Variants in MKNK2 observed in about 807,000 individuals in gnomAD.
The protein encoded by MKNK2 is MAPK interacting serine/threonine kinase 2, also known as MAP kinase-interacting serine/threonine-protein kinase 2.
Under a neutral mutation model 55.0 loss-of-function variants are expected in MKNK2, and 54 were observed. That is an observed-to-expected ratio of 0.98 (90% CI 0.79 to 1.23). MKNK2 has a LOEUF of 1.23. Among genes scored for constraint, MKNK2 ranks in the 50% most tolerant of loss-of-function variants. The probability of loss-of-function intolerance (pLI) is 0.00; values close to 1 mark genes in which losing one functional copy is unlikely to be tolerated. For synonymous variants in MKNK2, 323 were observed against 256.0 expected, an observed-to-expected ratio of 1.26 and a Z score of -2.50; for missense variants, 685 against 632.1, an observed-to-expected ratio of 1.08 and a Z score of -0.90.
rs2016892379 is a variant in MKNK2, at chr19:2,041,881, C to T, written c.904G>A (p.Asp302Asn). The part of the protein sequence containing the change: ...YPPFVGRCGS[D>N]CGWDRGEACP... ...GCCTCGCCGCGGTCCCAGCCGCAGT[C>T]GCTGCCACAGCGGCCCACGAAGGGC... is the stretch of plus-strand genomic sequence containing the variant. Residue 302 changes from aspartate (D) to asparagine (N), a missense_variant, in exon 11 of 14, where the codon GAC (aspartate) becomes AAC (asparagine). Physicochemically the swap from Asp to Asn is conservative, Grantham distance 23 (BLOSUM62 1). Transcript: ENST00000250896. 6.5e-7 allele frequency: 1 copy of T among 1,542,590 alleles called. No homozygotes were observed. The highest frequency in any genetic ancestry group is 8.7e-7 in the Non-Finnish European group (1 of 1,143,518).
intron 13 of MKNK2, 30 bp downstream of exon 13, chr19:2,040,104 A>G: frequency 6.3e-7 from 1 of 1,576,400 alleles, no homozygotes; most frequent in East Asian, 2.3e-5. Context: ...CCCTGGACTC[A>G]GGGGTCCCGA....
intron 2 of MKNK2, among the ~76,000 whole-genome samples, chr19:2,050,589 C>T (rs1453201219): frequency 6.6e-6 from 1 of 152,298 alleles, no homozygotes; most frequent in East Asian, 1.9e-4. Context: ...GACCCGGCGG[C>T]CATGGCTGGA....
chr19:2,037,780 G>C lies in MKNK2; in HGVS notation c.*1833C>G, dbSNP rs747651202. 6.2e-7 allele frequency: 1 copy of C among 1,606,688 alleles called. No individual in the cohort carries two copies. Among genetic ancestry groups the C allele is most frequent in the Non-Finnish European group, 8.5e-7 (1 of 1,176,148 alleles). On this transcript the variant is annotated 3_prime_UTR_variant, in exon 14 of 14. Coordinates refer to ENST00000250896, the MANE Select transcript of MKNK2 (RefSeq NM_199054.3). Reference sequence around the variant, plus strand: ...ACGGTTCTGACCAGTCCTCCAGGTCGCACGTGGATGCGACAGGGGTGGGGA... The same window carrying C: ...ACGGTTCTGACCAGTCCTCCAGGTCCCACGTGGATGCGACAGGGGTGGGGA...
intron 5 of MKNK2, among the ~76,000 whole-genome samples, chr19:2,044,053 A>C (rs895044114): frequency 2.0e-5 from 3 of 149,486 alleles, no homozygotes; most frequent in Non-Finnish European, 4.4e-5. Context: ...CCTCAGAGAC[A>C]CATTTGAGAC....
In MKNK2 at chr19:2,037,825, C is replaced by A. The variant is rs199999661; in HGVS notation, c.*1788G>T. The A allele has an allele frequency of 6.3e-7, 1 of 1,588,608 alleles. No individual in the cohort carries two copies. The highest frequency in any genetic ancestry group is 8.6e-7 in the Non-Finnish European group (1 of 1,167,996). On this transcript the variant is annotated 3_prime_UTR_variant, in exon 14 of 14. Transcript: ENST00000250896. The stretch of plus-strand genomic sequence containing the variant: ...TGGGGAGGGAGGAGGAAGTGACTGT[C>A]CCACCTTCAGAAAAAAAAAAAAAAA...
rs539493435 is a variant in MKNK2 at position 2,038,224 on chromosome 19, G to A, written c.*1389C>T. On this transcript the variant is annotated 3_prime_UTR_variant, in exon 14 of 14. Coordinates refer to ENST00000250896, the MANE Select transcript of MKNK2 (RefSeq NM_199054.3). Reference sequence around the variant, plus strand: ...CATTCAAGTATTCTTCAAGAACAGGGAAGCAAAGTCCATCGATGTGTTGTT... The same window carrying A: ...CATTCAAGTATTCTTCAAGAACAGGAAAGCAAAGTCCATCGATGTGTTGTT... The A allele has an allele frequency of 1.8e-5, 18 of 994,358 alleles. No homozygotes were observed. In the South Asian group the frequency reaches 7.0e-4, roughly 39 times the overall value. 61.6% of individuals were successfully genotyped at this position (994,358 alleles called of 1,614,324 possible).
At position 2,042,786 on chromosome 19, in the gene MKNK2, A is replaced by G; in HGVS notation, c.578T>C (p.Leu193Ser). ...CCTACCTTTGTTATGCAGAAAGTCC[A>G]AGGCGCTGGCCACGTCCTGCACCAC... ...SVVVQDVASALDFLHNKGIAH... is the reference protein window; with the variant it reads ...SVVVQDVASASDFLHNKGIAH... The change falls in exon 8 of 14, where the codon TTG becomes TCG. Residue 193 changes from leucine to serine, a missense_variant. By Grantham distance (145) the Leu-to-Ser change is moderately radical. Coordinates refer to ENST00000250896, the MANE Select transcript of MKNK2 (RefSeq NM_199054.3). 6.3e-7 allele frequency: 1 copy of G among 1,579,996 alleles called. No individual in the cohort carries two copies. The highest frequency in any genetic ancestry group is 8.6e-7 in the Non-Finnish European group (1 of 1,161,960).
At chr19:2,046,308 A>G in intron 4 of MKNK2, 25 bp from the exon 5 acceptor site, 1 of 1,603,292 alleles carries the variant, frequency 6.2e-7, no homozygotes, top group Non-Finnish European at 8.5e-7. Context: ...GGCGGGCGTG[A>G]GAGGGACCCT....
intron 6 of MKNK2, 150 bp downstream of exon 6, chr19:2,043,353 G>C: frequency 1.0e-6 from 1 of 989,802 alleles, no homozygotes; most frequent in Non-Finnish European, 1.6e-6. Flanking sequence ...CCCGCCTGGG[G>C]CTGTCAGCCA....
In MKNK2 at chr19:2,039,417, G is replaced by A. The variant is rs3746099; in HGVS notation, c.*196C>T. On this transcript the variant is annotated 3_prime_UTR_variant, in exon 14 of 14. Transcript: ENST00000250896. ...TTAACCATCCAAAGGAAAAAATAACGGGGAGGGGTGGAAACAGGAAAAAAA... is the reference window on the plus strand; with the variant it reads ...TTAACCATCCAAAGGAAAAAATAACAGGGAGGGGTGGAAACAGGAAAAAAA... The A allele has an allele frequency of 2.3e-3, 3,247 of 1,402,012 alleles. 90 individuals are homozygous for A. The East Asian group carries it at 0.062, about 27-fold the overall frequency. The allele number at this position is 1,402,012 out of a possible 1,614,324, so 86.8% of individuals were successfully genotyped here.
At chr19:2,040,989 A>C (rs1599379181) in intron 12 of MKNK2, 51 bp downstream of exon 12, 1 of 1,588,858 alleles carries the variant, frequency 6.3e-7, no homozygotes, top group South Asian at 1.1e-5. Flanking sequence ...CTCTGAGGCC[A>C]CCCTGCAGCG....
Position 2,039,124 on chromosome 19 carries a change from A to G in MKNK2, c.*489T>C. 1 of 988,884 alleles carries G rather than the reference A, an allele frequency of 1.0e-6. No homozygotes were observed. Among genetic ancestry groups the G allele is most frequent in the Non-Finnish European group, 1.2e-6 (1 of 831,970 alleles). The allele number at this position is 988,884 out of a possible 1,614,324, so 61.3% of individuals were successfully genotyped here. A position where few individuals can be genotyped will look rare whatever the true frequency, so the allele number is the denominator to read the frequency against. The stretch of plus-strand genomic sequence containing the variant: ...AGCCACCAGGGGTGCTCTCAGGGTG[A>G]GGGATAGAGGGGAAGAGCCTGTCCC... On this transcript the variant is annotated 3_prime_UTR_variant, in exon 14 of 14. Coordinates refer to ENST00000250896, the MANE Select transcript of MKNK2 (RefSeq NM_199054.3).
chr19:2,041,921 T>C lies in MKNK2; in HGVS notation c.864A>G (p.Leu288=). 6.5e-7 allele frequency: 1 copy of C among 1,549,314 alleles called. No individual in the cohort carries two copies. ...LWSLGVILYI[L]LSGYPPFVGR... ...CCACGAAGGGCGGGTAGCCGCTGAG[T>C]AGGATATACAAGATGACGCCCAGGC... Residue 288 remains leucine, a synonymous_variant, in exon 11 of 14, where the codon CTA becomes CTG. Coordinates refer to ENST00000250896, the MANE Select transcript of MKNK2 (RefSeq NM_199054.3).
At chr19:2,050,497 G>GGCTT (rs1026860058) in intron 2 of MKNK2, among the ~76,000 whole-genome samples, 2 of 152,202 alleles carry the variant, frequency 1.3e-5, no homozygotes, top group African/African-American at 4.8e-5. Context: ...ACCCGGCGGG[G>GGCTT]GCTTGCAGGG....
Position 2,038,033 on chromosome 19 carries a change from C to G in MKNK2, c.*1580G>C, listed in dbSNP as rs953197566. 1.5e-6 allele frequency: 2 copies of G among 1,308,222 alleles called. No homozygotes were observed. Among genetic ancestry groups the G allele is most frequent in the Non-Finnish European group, 9.8e-7 (1 of 1,019,178 alleles). The allele number at this position is 1,308,222 out of a possible 1,614,324, so 81.0% of individuals were successfully genotyped here. ...GAAAGGGGTGGGCGGAATGCCCCAC[C>G]CCCCCCAGGGGTCTTTGGAAGGGGC... On this transcript the variant is annotated 3_prime_UTR_variant, in exon 14 of 14. Transcript: ENST00000250896.
At chr19:2,045,758 C>A (rs117946908) in intron 5 of MKNK2, among the ~76,000 whole-genome samples, 1,538 of 152,326 alleles carry the variant, frequency 0.01, 13 homozygotes, top group Non-Finnish European at 0.018. Flanking sequence ...AGAGCCTCAA[C>A]AGGGCTCCTG....
chr19:2,039,963 C>T, intron 13 of MKNK2, 107 bp from the exon 14 acceptor site: 1 of 1,443,322 alleles, frequency 6.9e-7, no homozygotes. Flanking sequence ...CCTCCCAGCC[C>T]CCACCCTGGG....
At chr19:2,040,985 G>A (rs762058241) in intron 12 of MKNK2, 55 bp downstream of exon 12, 55 of 1,577,354 alleles carry the variant, frequency 3.5e-5, no homozygotes, top group Non-Finnish European at 4.7e-5. Flanking sequence ...CTCGCTCTGA[G>A]GCCACCCTGC....
chr19:2,038,640 AC>A lies in MKNK2; in HGVS notation c.*972del, dbSNP rs752648309. ...AGCTCTAAGGACAAGGACGGAGCTG[AC>A]GGAGCTTCCAGGTCAGGCCCGAGGG... On this transcript the variant is annotated 3_prime_UTR_variant, in exon 14 of 14. Coordinates refer to ENST00000250896, the MANE Select transcript of MKNK2 (RefSeq NM_199054.3). 103 of 985,308 alleles carry A rather than the reference AC, an allele frequency of 1.0e-4. No individual in the cohort carries two copies. In the Admixed American group the frequency reaches 1.4e-3, roughly 13 times the overall value. 61.0% of individuals were successfully genotyped at this position (985,308 alleles called of 1,614,324 possible).
Sources: gnomAD v4.1 joint callset for allele counts (sites outside exome capture counted in the v4.1 genomes callset) on GRCh38, gnomAD v4.1.1 for gene constraint, MANE v1.5 for transcripts, NCBI Gene and HGNC (gene_info 2026-07-23, HGNC 2026-07-21) for gene names.